The following CNTNAP2 variants were observed in gnomAD, a reference collection of about 807,000 sequenced individuals.
CNTNAP2 encodes contactin associated protein 2.
In CNTNAP2, 98 loss-of-function variants were observed where a neutral mutation model predicts 155.2. That is an observed-to-expected ratio of 0.63 (90% CI 0.54 to 0.75). The LOEUF (loss-of-function observed/expected upper bound fraction) is 0.75. CNTNAP2 is among the 30% of genes least tolerant of loss of function. The pLI is 0.00. For missense variants in CNTNAP2, 1,727 were observed against 1,688.1 expected, an observed-to-expected ratio of 1.02 and a Z score of -0.40; for synonymous variants, 651 against 631.2, an observed-to-expected ratio of 1.03 and a Z score of -0.47.
chr7:147,138,655 C>G (rs1002451274), intron 8 of CNTNAP2, among the ~76,000 whole-genome samples: 1 of 151,750 alleles, frequency 6.6e-6, no homozygotes, highest in Non-Finnish European at 1.5e-5. Flanking sequence ...AAAAAAGGAC[C>G]GGGGGAGAGT....
At chr7:147,734,680 G>A (rs561474626) in intron 13 of CNTNAP2, among the ~76,000 whole-genome samples, 1 of 152,218 alleles carries the variant, frequency 6.6e-6, no homozygotes, top group South Asian at 2.1e-4. Flanking sequence ...ATTAATTATT[G>A]CCTCACTTTC....
intron 8 of CNTNAP2, among the ~76,000 whole-genome samples, chr7:147,136,913 A>G (rs4146047): frequency 0.6 from 90,387 of 151,672 alleles, 27,066 homozygotes; most frequent in Middle Eastern, 0.72. Context: ...TAAATGTTTC[A>G]GCATTACTAC....
At chr7:146,698,799 G>GTGC (rs1800827731) in intron 1 of CNTNAP2, among the ~76,000 whole-genome samples, 1 of 152,100 alleles carries the variant, frequency 6.6e-6, no homozygotes, top group East Asian at 1.9e-4. Flanking sequence ...TGTGTAGAAT[G>GTGC]TGCTCTTCCA....
intron 13 of CNTNAP2, among the ~76,000 whole-genome samples, chr7:147,783,917 A>G (rs929619890): frequency 2.0e-5 from 3 of 152,188 alleles, no homozygotes; most frequent in African/African-American, 7.2e-5. Context: ...ATAGTTTGCA[A>G]GCCACCCAGT....
At chr7:147,949,594 C>T (rs1221514705) in intron 14 of CNTNAP2, among the ~76,000 whole-genome samples, 1 of 151,944 alleles carries the variant, frequency 6.6e-6, no homozygotes, top group East Asian at 1.9e-4. Context: ...GTTGTTCTCC[C>T]GGAATGAGCG....
chr7:146,303,318 A>G (rs1327302015), intron 1 of CNTNAP2, among the ~76,000 whole-genome samples: 1 of 152,180 alleles, frequency 6.6e-6, no homozygotes, highest in Non-Finnish European at 1.5e-5. Context: ...CTCAATTATA[A>G]GCAATTTGCC....
intron 19 of CNTNAP2, among the ~76,000 whole-genome samples, 165 bp downstream of exon 19, chr7:148,217,689 A>G (rs1363261026): frequency 6.6e-6 from 1 of 152,264 alleles, no homozygotes; most frequent in African/African-American, 2.4e-5. Context: ...AATATCAGGA[A>G]AACAACTTGC....
chr7:146,219,865 A>G (rs1799178353), intron 1 of CNTNAP2, among the ~76,000 whole-genome samples: 1 of 152,192 alleles, frequency 6.6e-6, no homozygotes, highest in Non-Finnish European at 1.5e-5. Flanking sequence ...AATAGAAGTT[A>G]TAAGAACACA....
At chr7:146,950,774 A>G (rs1033916293) in intron 3 of CNTNAP2, among the ~76,000 whole-genome samples, 2 of 152,016 alleles carry the variant, frequency 1.3e-5, no homozygotes, top group Non-Finnish European at 2.9e-5. Flanking sequence ...GTGTCTTTAG[A>G]GTAGAATGAT....
At chr7:146,266,588 G>A (rs767046155) in intron 1 of CNTNAP2, among the ~76,000 whole-genome samples, 1 of 152,094 alleles carries the variant, frequency 6.6e-6, no homozygotes, top group Non-Finnish European at 1.5e-5. Flanking sequence ...ATTCATAAGT[G>A]AGCTGTAATG....
At chr7:146,660,064 C>T (rs1800060717) in intron 1 of CNTNAP2, among the ~76,000 whole-genome samples, 1 of 152,150 alleles carries the variant, frequency 6.6e-6, no homozygotes, top group Non-Finnish European at 1.5e-5. Flanking sequence ...CTGAACATAC[C>T]TCTGGTAATT....
chr7:148,061,934 T>TAAAC (rs1220349413), intron 15 of CNTNAP2, among the ~76,000 whole-genome samples: 21 of 142,920 alleles, frequency 1.5e-4, no homozygotes, highest in African/African-American at 5.7e-4. Flanking sequence ...GATAGATAGA[T>TAAAC]AGATAGATAG....
At chr7:146,826,002 A>C (rs949203733) in intron 2 of CNTNAP2, among the ~76,000 whole-genome samples, 21 of 152,110 alleles carry the variant, frequency 1.4e-4, no homozygotes, top group Non-Finnish European at 2.5e-4. Flanking sequence ...ATGCACAGAT[A>C]ATAAGTACAT....
chr7:146,568,418 G>A (rs977566202), intron 1 of CNTNAP2, among the ~76,000 whole-genome samples: 1 of 152,150 alleles, frequency 6.6e-6, no homozygotes, highest in Non-Finnish European at 1.5e-5. Flanking sequence ...ATACAAAGGA[G>A]CAGTTTCTTT....
chr7:148,384,485 A>G (rs955636819), intron 22 of CNTNAP2, among the ~76,000 whole-genome samples: 5 of 152,230 alleles, frequency 3.3e-5, no homozygotes, highest in African/African-American at 7.2e-5. Flanking sequence ...GAGTATACAC[A>G]TAACCCTGGG....
chr7:146,906,041 CGGACGCACCT>C (rs1024280383), intron 3 of CNTNAP2, among the ~76,000 whole-genome samples: 5 of 152,166 alleles, frequency 3.3e-5, no homozygotes, highest in African/African-American at 1.2e-4. Context: ...AAAGGGGTGA[CGGACGCACCT>C]GGAAAATCGG....
intron 1 of CNTNAP2, among the ~76,000 whole-genome samples, chr7:146,147,731 ACTGT>A (rs1399320722): frequency 6.6e-6 from 1 of 152,120 alleles, no homozygotes; most frequent in Non-Finnish European, 1.5e-5. Flanking sequence ...ACTTCTTTAT[ACTGT>A]CTGTCTACAA....
intron 14 of CNTNAP2, among the ~76,000 whole-genome samples, chr7:147,911,894 A>G (rs1022577156): frequency 1.3e-5 from 2 of 152,198 alleles, no homozygotes; most frequent in Non-Finnish European, 2.9e-5. Flanking sequence ...GTGACTGTGA[A>G]TAACGCTGCT....
At chr7:147,953,191 TAA>T (rs1324099347) in intron 14 of CNTNAP2, among the ~76,000 whole-genome samples, 3 of 152,210 alleles carry the variant, frequency 2.0e-5, no homozygotes, top group South Asian at 2.1e-4. Flanking sequence ...TCAGTTGTGC[TAA>T]GTTTTATTTG....
Sources: allele counts gnomAD v4.1 joint callset (sites outside exome capture counted in the v4.1 genomes callset), GRCh38; gene constraint gnomAD v4.1.1; transcripts MANE v1.5; gene names NCBI Gene and HGNC (gene_info 2026-07-23, HGNC 2026-07-21).